Variants in NTRK2 observed in about 807,000 individuals in gnomAD.
NTRK2 encodes the protein BDNF/NT-3 growth factors receptor.
Under a neutral mutation model 94.5 loss-of-function variants are expected in NTRK2, and 13 were observed. That is an observed-to-expected ratio of 0.14 (90% CI 0.09 to 0.22). The LOEUF (loss-of-function observed/expected upper bound fraction) is 0.22, where lower values mean the gene tolerates loss of function less well. NTRK2 is among the 10% of genes least tolerant of loss of function. The pLI is 1.00. For missense variants in NTRK2, 639 were observed against 1,071.2 expected (o/e 0.60, Z 5.63); for synonymous variants, 372 against 407.4 (o/e 0.91, Z 1.05).
chr9:84,692,036 T>A (rs1467798797), intron 2 of NTRK2, among the ~76,000 whole-genome samples: 1 of 152,222 alleles, frequency 6.6e-6, no homozygotes, highest in South Asian at 2.1e-4. Flanking sequence ...TTTAAGCCAT[T>A]TCTATTTTTT....
chr9:84,730,783 C>CAAAAAAAAAAAAAAAAAAAAAA, intron 9 of NTRK2, among the ~76,000 whole-genome samples: 17 of 24,138 alleles, frequency 7.0e-4, no homozygotes, highest in Admixed American at 9.4e-4. Context: ...AAACAAATAG[C>CAAAAAAAAAAAAAAAAAAAAAA]AAAAAAAAAA....
rs115367104 is a variant in NTRK2, at chr9:84,780,496, G to A, written c.1396+28411G>A. On this transcript the variant is annotated intron_variant, in intron 12 of 18. Coordinates refer to ENST00000277120, the MANE Select transcript of NTRK2 (RefSeq NM_006180.6). ...GGTTGTGGAGATGGGGATCTTGCCC[G>A]GTTCAGCTTCTCTGTTTTAGTCAGG... is the stretch of plus-strand genomic sequence containing the variant. Among the ~76,000 whole-genome samples, 952 of 152,194 alleles carry A rather than the reference G, an allele frequency of 6.3e-3. 19 individuals are homozygous for A. The highest frequency in any genetic ancestry group is 0.021 in the African/African-American group (881 of 41,524).
intron 14 of NTRK2, among the ~76,000 whole-genome samples, chr9:84,910,625 T>C (rs1202336960): frequency 6.6e-6 from 1 of 152,162 alleles, no homozygotes; most frequent in Non-Finnish European, 1.5e-5. Flanking sequence ...GCCATATATT[T>C]TTGGGTCCAT....
At chr9:84,962,395 C>T (rs1825050503) in intron 17 of NTRK2, among the ~76,000 whole-genome samples, 1 of 152,194 alleles carries the variant, frequency 6.6e-6, no homozygotes, top group Non-Finnish European at 1.5e-5. Context: ...CTTTTGGAAA[C>T]CAGCATGGAG....
At chr9:84,780,430 A>G (rs1401898391) in intron 12 of NTRK2, among the ~76,000 whole-genome samples, 2 of 152,130 alleles carry the variant, frequency 1.3e-5, no homozygotes, top group Non-Finnish European at 2.9e-5. Context: ...TATCTAATGA[A>G]ATAACCATCC....
At chr9:84,870,024 A>T (rs1310718327) in intron 14 of NTRK2, among the ~76,000 whole-genome samples, 2 of 149,568 alleles carry the variant, frequency 1.3e-5, no homozygotes, top group East Asian at 3.9e-4. Context: ...TAGACCTGAC[A>T]TGTAGATGAA....
At chr9:84,926,739 T>C (rs1466174763) in intron 14 of NTRK2, among the ~76,000 whole-genome samples, 1 of 152,250 alleles carries the variant, frequency 6.6e-6, no homozygotes, top group African/African-American at 2.4e-5. Context: ...TTATTATTTG[T>C]TAATAAAATA....
intron 17 of NTRK2, among the ~76,000 whole-genome samples, chr9:84,958,282 A>T (rs1824423160): frequency 6.6e-6 from 1 of 152,244 alleles, no homozygotes; most frequent in African/African-American, 2.4e-5. Context: ...AAAAAAGAGC[A>T]TGAAAAGGAA....
intron 11 of NTRK2, among the ~76,000 whole-genome samples, chr9:84,749,683 A>T (rs181367307): frequency 6.6e-6 from 1 of 152,342 alleles, no homozygotes; most frequent in Admixed American, 6.5e-5. Context: ...CTCATTGAGG[A>T]TTTACAATAA....
At chr9:84,751,901 A>C in intron 11 of NTRK2, 85 bp from the exon 12 acceptor site, 1 of 1,039,244 alleles carries the variant, frequency 9.6e-7, no homozygotes, top group Non-Finnish European at 1.5e-6. Context: ...TGCCTGTATC[A>C]TTATCATCGT....
chr9:84,818,989 T>C (rs1564348090), intron 12 of NTRK2, among the ~76,000 whole-genome samples: 1 of 152,196 alleles, frequency 6.6e-6, no homozygotes. Flanking sequence ...GAGAGACTGC[T>C]GAGGGCACAT....
intron 14 of NTRK2, among the ~76,000 whole-genome samples, chr9:84,906,798 C>A (rs2077088213): frequency 6.6e-6 from 1 of 152,114 alleles, no homozygotes; most frequent in Admixed American, 6.5e-5. Context: ...GTTGGAAGTG[C>A]CTTGCTGGCT....
At chr9:84,722,818 T>C (rs1478758168) in intron 6 of NTRK2, among the ~76,000 whole-genome samples, 1 of 152,206 alleles carries the variant, frequency 6.6e-6, no homozygotes, top group Admixed American at 6.5e-5. Flanking sequence ...ATTAAAAATG[T>C]TTATGAGGTT....
In NTRK2 at chr9:85,024,959, T is replaced by C. The variant is rs1335726003; in HGVS notation, c.*3522T>C. ...TACATATACAAATGCACATACGTAGTGTGTTTGTGTGTTTATGTATAAATT... is the reference window on the plus strand; with the variant it reads ...TACATATACAAATGCACATACGTAGCGTGTTTGTGTGTTTATGTATAAATT... On this transcript the variant is annotated 3_prime_UTR_variant, in exon 19 of 19. Transcript: ENST00000277120. The C allele has an allele frequency of 4.3e-6, 1 of 232,996 alleles. No individual in the cohort carries two copies. The highest frequency in any genetic ancestry group is 8.5e-6 in the Non-Finnish European group (1 of 117,962). The allele number at this position is 232,996 out of a possible 1,614,324, so 14.4% of individuals were successfully genotyped here. A position where few individuals can be genotyped will look rare whatever the true frequency, so the allele number is the denominator to read the frequency against.
At chr9:84,887,680 C>CT (rs1206531246) in intron 14 of NTRK2, among the ~76,000 whole-genome samples, 4 of 152,150 alleles carry the variant, frequency 2.6e-5, no homozygotes, top group Non-Finnish European at 4.4e-5. Context: ...ATGCTGTTTC[C>CT]TTTTTTGACC....
At chr9:84,742,596 C>T (rs1315527602) in intron 10 of NTRK2, among the ~76,000 whole-genome samples, 1 of 152,062 alleles carries the variant, frequency 6.6e-6, no homozygotes, top group Non-Finnish European at 1.5e-5. Flanking sequence ...GTATCCAAGT[C>T]AAGACCCAAT....
chr9:84,744,861 G>A (rs924801760), intron 10 of NTRK2, 112 bp from the exon 11 acceptor site: 5 of 840,226 alleles, frequency 6.0e-6, no homozygotes, highest in Non-Finnish European at 8.4e-6. Flanking sequence ...TCGGGGGTTT[G>A]GAATCTTTGT....
At chr9:84,920,629 A>T (rs1377153960) in intron 14 of NTRK2, among the ~76,000 whole-genome samples, 3 of 152,162 alleles carry the variant, frequency 2.0e-5, no homozygotes, top group Non-Finnish European at 4.4e-5. Flanking sequence ...CTTCTACTCT[A>T]TGTTTCATGC....
intron 7 of NTRK2, 81 bp from the exon 8 acceptor site, chr9:84,724,143 G>T: frequency 6.8e-7 from 1 of 1,465,556 alleles, no homozygotes. Flanking sequence ...ATTTTCTCTA[G>T]TTAGGGGAAG....
Sources: gnomAD v4.1 joint callset for allele counts (sites outside exome capture counted in the v4.1 genomes callset) on GRCh38, gnomAD v4.1.1 for gene constraint, MANE v1.5 for transcripts, NCBI Gene and HGNC (gene_info 2026-07-23, HGNC 2026-07-21) for gene names.